Variants in TOMM70 observed in about 807,000 individuals in gnomAD.
TOMM70 encodes the protein translocase of outer mitochondrial membrane 70, also known as mitochondrial import receptor subunit TOM70.
TOMM70 carries 13 observed loss-of-function variants against 73.6 expected under a neutral mutation model. That is an observed-to-expected ratio of 0.18 (90% confidence interval 0.11 to 0.28). The LOEUF is 0.28. Among genes scored for constraint, TOMM70 ranks in the 10% least tolerant of loss-of-function variants. The probability of loss-of-function intolerance (pLI) is 1.00; values close to 1 mark genes in which losing one functional copy is unlikely to be tolerated. For missense variants in TOMM70, 609 were observed against 747.5 expected (o/e 0.81, Z 2.16); for synonymous variants, 257 against 271.2 (o/e 0.95, Z 0.51).
chr3:100,365,807 C>T, intron 11 of TOMM70, 90 bp from the exon 12 acceptor site: 2 of 1,424,724 alleles, frequency 1.4e-6, no homozygotes, highest in South Asian at 2.5e-5. Flanking sequence ...GAAGTCTGAC[C>T]ACTAAGTTTC....
intron 1 of TOMM70, among the ~76,000 whole-genome samples, chr3:100,390,167 C>T (rs1049158367): frequency 6.6e-6 from 1 of 152,096 alleles, no homozygotes; most frequent in Non-Finnish European, 1.5e-5. Flanking sequence ...TTCTTTTTGC[C>T]AAGCAAGTAT....
At position 100,377,885 on chromosome 3, in the gene TOMM70, A is replaced by G. The variant is rs1291130157; in HGVS notation, c.912T>C (p.Tyr304=). ...ENSGYLKAKQ[Y]MEEENYDKII... ...TTTTATCGTAGTTTTCTTCTTCCAT[A>G]TACTGTTTGGCCTTTAAGTATCCAG... Residue 304 remains tyrosine (Y), a synonymous_variant, in exon 6 of 12, where the codon TAT becomes TAC. Transcript: ENST00000284320. 2 of 1,613,866 alleles carry G rather than the reference A, an allele frequency of 1.2e-6. No individual in the cohort carries two copies. Among genetic ancestry groups the G allele is most frequent in the Admixed American group, 1.7e-5 (1 of 60,026 alleles).
chr3:100,377,606 G>A, intron 6 of TOMM70, 99 bp downstream of exon 6: 1 of 1,162,770 alleles, frequency 8.6e-7, no homozygotes, highest in Non-Finnish European at 1.2e-6. Context: ...ACAGCCCTTT[G>A]AAGAATGGCA....
At chr3:100,373,781 C>A in intron 7 of TOMM70, 136 bp from the exon 8 acceptor site, 2 of 524,692 alleles carry the variant, frequency 3.8e-6, no homozygotes, top group Non-Finnish European at 3.2e-6. Context: ...TTTCTAGAAA[C>A]AGTGATTTAA....
At chr3:100,376,369 G>GTTTTTTTTTTGTTTTTTTTTTGTTT (rs1706565085) in intron 6 of TOMM70, among the ~76,000 whole-genome samples, 1 of 121,768 alleles carries the variant, frequency 8.2e-6, no homozygotes, top group Non-Finnish European at 1.6e-5. Flanking sequence ...TCACACAGAA[G>GTTTTTTTTTTGTTTTTTTTTTGTTT]TTTTTTTTTT....
At chr3:100,387,591 CAGACACAG>C (rs765327235) in intron 1 of TOMM70, among the ~76,000 whole-genome samples, 133 of 113,292 alleles carry the variant, frequency 1.2e-3, no homozygotes, top group African/African-American at 2.2e-3. Context: ...GACACAGACA[CAGACACAG>C]ACACACACAC....
In TOMM70 at chr3:100,400,899, C is replaced by A. The variant is rs926988138; in HGVS notation, c.51G>T (p.Pro17=). Residue 17 remains proline, a synonymous_variant, in exon 1 of 12, where the codon CCG becomes CCT. Coordinates refer to ENST00000284320, the MANE Select transcript of TOMM70 (RefSeq NM_014820.5). Reference sequence around the variant, plus strand: ...CGCCGCCCACCCCACTCCCGGAGCTCGGTACAGCGGCTGCGACCACCGCTG... The same window carrying A: ...CGCCGCCCACCCCACTCCCGGAGCTAGGTACAGCGGCTGCGACCACCGCTG... The part of the protein sequence containing the change: ...VEAAVVAAAV[P]SSGSGVGGGG... 1.3e-6 allele frequency: 2 copies of A among 1,526,776 alleles called. No homozygotes were observed. Among genetic ancestry groups the A allele is most frequent in the African/African-American group, 1.4e-5 (1 of 71,048 alleles). The allele number at this position is 1,526,776 out of a possible 1,614,324, so 94.6% of individuals were successfully genotyped here.
intron 1 of TOMM70, among the ~76,000 whole-genome samples, chr3:100,393,168 C>A (rs1706782108): frequency 6.8e-6 from 1 of 147,280 alleles, no homozygotes; most frequent in South Asian, 2.1e-4. Context: ...AAGAGTGAAA[C>A]TCTGTCTCAA....
At chr3:100,396,582 C>T (rs1007767330) in intron 1 of TOMM70, among the ~76,000 whole-genome samples, 12 of 152,178 alleles carry the variant, frequency 7.9e-5, no homozygotes, top group African/African-American at 2.2e-4. Context: ...GGTGGTCCCT[C>T]GTGATGACTC....
At chr3:100,369,004 A>AT (rs1350286210) in intron 10 of TOMM70, 34 bp downstream of exon 10, 1 of 1,474,624 alleles carries the variant, frequency 6.8e-7, no homozygotes, top group African/African-American at 1.4e-5. Flanking sequence ...CAAGAAATTT[A>AT]TTATCTCATT....
intron 3 of TOMM70, 21 bp from the exon 4 acceptor site, chr3:100,384,609 A>G: frequency 1.3e-6 from 2 of 1,484,864 alleles, no homozygotes; most frequent in Non-Finnish European, 1.8e-6. Context: ...TGAAAAACAC[A>G]AGGGTAAATA....
chr3:100,400,075 C>A lies in TOMM70; in HGVS notation c.324+551G>T, dbSNP rs546781099. On this transcript the variant is annotated intron_variant, in intron 1 of 11. Coordinates refer to ENST00000284320, the MANE Select transcript of TOMM70 (RefSeq NM_014820.5). Reference sequence around the variant, plus strand: ...CTGAACACCATTTCACTCTTTAGAACCTGTGTAGTCTTTCTTTTTCTATGT... The same window carrying A: ...CTGAACACCATTTCACTCTTTAGAAACTGTGTAGTCTTTCTTTTTCTATGT... Among the ~76,000 whole-genome samples the A allele has an allele frequency of 2.6e-5, 4 of 152,248 alleles. No individual in the cohort carries two copies. In the East Asian group the frequency reaches 7.7e-4, roughly 29 times the overall value.
chr3:100,387,637 T>G (rs1161520342), intron 1 of TOMM70, among the ~76,000 whole-genome samples: 1 of 65,096 alleles, frequency 1.5e-5, no homozygotes, highest in Non-Finnish European at 2.5e-5. Flanking sequence ...CACACACACG[T>G]ATATACTTTT....
chr3:100,375,759 C>T (rs1171142257), intron 6 of TOMM70, among the ~76,000 whole-genome samples: 4 of 152,092 alleles, frequency 2.6e-5, no homozygotes, highest in African/African-American at 2.4e-5. Context: ...GATTTTGCTA[C>T]GTTACCCAGG....
intron 9 of TOMM70, among the ~76,000 whole-genome samples, chr3:100,371,272 T>A (rs1218688162): frequency 7.4e-5 from 11 of 148,168 alleles, no homozygotes; most frequent in Non-Finnish European, 1.5e-5. Context: ...TTTTTTTTTT[T>A]TTTTTTTTTT....
intron 3 of TOMM70, 76 bp downstream of exon 3, chr3:100,386,142 G>A (rs1706689326): frequency 6.7e-7 from 1 of 1,483,898 alleles, no homozygotes; most frequent in Non-Finnish European, 9.1e-7. Context: ...GCACTCACAA[G>A]GCAGTTTCAT....
rs141227349 is a variant in TOMM70, at chr3:100,376,369, G to GTTTTTTTTTTT, written c.1093-1228_1093-1218dup. On this transcript the variant is annotated intron_variant, in intron 6 of 11. Coordinates refer to ENST00000284320, the MANE Select transcript of TOMM70 (RefSeq NM_014820.5). The stretch of plus-strand genomic sequence containing the variant: ...CTTGATGGTGTCTTTTCACACAGAA[G>GTTTTTTTTTTT]TTTTTTTTTTTTTTTGAGACAGGAT... Among the ~76,000 whole-genome samples the GTTTTTTTTTTT allele has an allele frequency of 2.5e-4, 30 of 121,764 alleles. 4 individuals are homozygous for GTTTTTTTTTTT. Among genetic ancestry groups the GTTTTTTTTTTT allele is most frequent in the African/African-American group, 8.5e-4 (23 of 27,060 alleles). 79.9% of individuals were successfully genotyped at this position (121,764 alleles called of 152,430 possible). A position where few individuals can be genotyped will look rare whatever the true frequency, so the allele number is the denominator to read the frequency against.
intron 3 of TOMM70, among the ~76,000 whole-genome samples, chr3:100,385,570 G>T (rs1173924974): frequency 2.0e-5 from 3 of 152,150 alleles, no homozygotes; most frequent in South Asian, 4.1e-4. Flanking sequence ...TCACCTAGAA[G>T]AATGTACTTT....
chr3:100,391,778 G>A (rs1157208936), intron 1 of TOMM70, among the ~76,000 whole-genome samples: 1 of 152,164 alleles, frequency 6.6e-6, no homozygotes, highest in African/African-American at 2.4e-5. Flanking sequence ...GTTACATACA[G>A]TAAGCTAAGG....
Sources: gnomAD v4.1 joint callset for allele counts (sites outside exome capture counted in the v4.1 genomes callset) on GRCh38, gnomAD v4.1.1 for gene constraint, MANE v1.5 for transcripts, NCBI Gene and HGNC (gene_info 2026-07-23, HGNC 2026-07-21) for gene names.